Variants in TEPSIN observed in about 807,000 individuals in gnomAD.
The protein encoded by TEPSIN is TEPSIN adaptor related protein complex 4 accessory protein.
A neutral mutation model predicts 48.5 loss-of-function variants in TEPSIN; 50 were observed. The ratio of observed to expected loss-of-function variants is 1.03; its 90% CI spans 0.82 to 1.31. The LOEUF (loss-of-function observed/expected upper bound fraction) is 1.31, where lower values mean the gene tolerates loss of function less well. TEPSIN is among the 50% of genes most tolerant of loss of function. The pLI, the probability that TEPSIN is intolerant of heterozygous loss-of-function variation, is 0.00. For synonymous variants in TEPSIN, 392 were observed against 358.8 expected, an observed-to-expected ratio of 1.09 and a Z score of -1.05; for missense variants, 838 against 815.9, an observed-to-expected ratio of 1.03 and a Z score of -0.33.
rs1302163497 is a variant in TEPSIN, at chr17:81,229,345, G to A, written c.1365C>T (p.Ser455=). 5 of 1,564,352 alleles carry A rather than the reference G, an allele frequency of 3.2e-6. No homozygotes were observed. In the East Asian group the frequency reaches 1.2e-4, roughly 37 times the overall value. ...AACTCAGAGGCTGCAGGAAGACCTGGCTCCCAGGGAGAGGCACAGCGTCGG... is the reference window on the plus strand; with the variant it reads ...AACTCAGAGGCTGCAGGAAGACCTGACTCCCAGGGAGAGGCACAGCGTCGG... ...LLTDAVPLPG[S]QVFLQPLSST... is the part of the protein sequence containing the mutation. Residue 455 remains serine (S), a synonymous_variant, in exon 13 of 13, where the codon AGC becomes AGT. Transcript: ENST00000637944.
intron 11 of TEPSIN, 120 bp downstream of exon 11, chr17:81,231,278 C>T: frequency 9.2e-7 from 1 of 1,089,368 alleles, no homozygotes; most frequent in Non-Finnish European, 1.3e-6. Context: ...CACAGCCACA[C>T]AGAGGAATGT....
In TEPSIN at chr17:81,239,041, G is replaced by C. The variant is rs1453569396; in HGVS notation, c.-8C>G. ...CGGCGGCGCGGCAGCCATGATCCAG[G>C]TCCCCTCCCGGTCTGCCCCGCTTCC... On this transcript the variant is annotated 5_prime_UTR_variant, in exon 1 of 13. Coordinates refer to ENST00000637944, the MANE Select transcript of TEPSIN (RefSeq NM_001363764.2). The C allele has an allele frequency of 6.7e-7, 1 of 1,491,360 alleles. No individual in the cohort carries two copies. The highest frequency in any genetic ancestry group is 1.5e-5 in the African/African-American group (1 of 68,624). 92.4% of individuals were successfully genotyped at this position (1,491,360 alleles called of 1,614,324 possible).
Position 81,234,497 on chromosome 17 carries a change from C to G in TEPSIN, c.308-449G>C, listed in dbSNP as rs1170837801. 1.3e-5 allele frequency among the ~76,000 whole-genome samples: 2 copies of G among 152,102 alleles called. No homozygotes were observed. Among genetic ancestry groups the G allele is most frequent in the Non-Finnish European group, 2.9e-5 (2 of 68,008 alleles). On this transcript the variant is annotated intron_variant, in intron 4 of 12. Coordinates refer to ENST00000637944, the MANE Select transcript of TEPSIN (RefSeq NM_001363764.2). The surrounding 1 kb of genome is among the most constrained non-coding windows in gnomAD (Gnocchi z 5.4). Reference sequence around the variant, plus strand: ...GCTCCCCTGCTCTGAGAGTTCCTGTCATGATGAACTGGGGCTTCTTTCCTT... The same window carrying G: ...GCTCCCCTGCTCTGAGAGTTCCTGTGATGATGAACTGGGGCTTCTTTCCTT...
At position 81,234,077 on chromosome 17, in the gene TEPSIN, C is replaced by T. The variant is rs772513515; in HGVS notation, c.308-29G>A. 2 of 1,557,546 alleles carry T rather than the reference C, an allele frequency of 1.3e-6. No homozygotes were observed. The highest frequency in any genetic ancestry group is 2.3e-5 in the East Asian group (1 of 43,334). On this transcript the variant is annotated intron_variant, in intron 4 of 12. Coordinates refer to ENST00000637944, the MANE Select transcript of TEPSIN (RefSeq NM_001363764.2). This position sits in a 1 kb window ranked among gnomAD's most constrained non-coding sequence, Gnocchi z 5.4. The stretch of plus-strand genomic sequence containing the variant: ...CAGAACAGAAAAGGCAAGTCGGGGG[C>T]AGGGCTGAGCCTGGCACCGCTGCTC...
In TEPSIN at chr17:81,232,356, G is replaced by A. The variant is rs894717883; in HGVS notation, c.689C>T (p.Thr230Ile). 3.3e-6 allele frequency: 5 copies of A among 1,535,222 alleles called. No homozygotes were observed. Among genetic ancestry groups the A allele is most frequent in the Non-Finnish European group, 3.5e-6 (4 of 1,146,340 alleles). ...GGCCCCGGGGAGTAGGTTCCCCAGG[G>A]TTGGGGGACCGTGGCTGGCTGAAGG... ...MMPSASHGPP[T>I]LGNLLPGAIP... Residue 230 changes from threonine to isoleucine, a missense_variant, in exon 8 of 13, where the codon ACC becomes ATC. Physicochemically the swap from Thr to Ile is moderately conservative, Grantham distance 89. Coordinates refer to ENST00000637944, the MANE Select transcript of TEPSIN (RefSeq NM_001363764.2).
intron 7 of TEPSIN, 149 bp from the exon 8 acceptor site, chr17:81,232,667 A>T: frequency 1.4e-6 from 1 of 696,160 alleles, no homozygotes; most frequent in South Asian, 2.1e-5. Flanking sequence ...GGTGGGCCCC[A>T]GGCCCTCTGG....
At chr17:81,237,589 G>T in intron 1 of TEPSIN, 130 bp from the exon 2 acceptor site, 1 of 968,248 alleles carries the variant, frequency 1.0e-6, no homozygotes, top group African/African-American at 1.6e-5. Flanking sequence ...GACTGGGAAG[G>T]GATGAGAACT....
chr17:81,238,493 G>T, intron 1 of TEPSIN: 3 of 547,674 alleles, frequency 5.5e-6, no homozygotes, highest in Non-Finnish European at 7.0e-6. Context: ...CTTCTCAGAG[G>T]GTTTACTAAG....
chr17:81,236,674 T>A (rs201155060), intron 4 of TEPSIN, 34 bp downstream of exon 4: 1 of 1,544,520 alleles, frequency 6.5e-7, no homozygotes, highest in Non-Finnish European at 8.8e-7. Flanking sequence ...TCCAAAGCCC[T>A]GGCTCTTCCT....
chr17:81,231,482 C>G lies in TEPSIN; in HGVS notation c.1020-6G>C. 6.4e-7 allele frequency: 1 copy of G among 1,568,794 alleles called. No individual in the cohort carries two copies. The highest frequency in any genetic ancestry group is 8.6e-7 in the Non-Finnish European group (1 of 1,156,740). On this transcript the variant is annotated splice_polypyrimidine_tract_variant and splice_region_variant and intron_variant, in intron 10 of 12. Coordinates refer to ENST00000637944, the MANE Select transcript of TEPSIN (RefSeq NM_001363764.2). The stretch of plus-strand genomic sequence containing the variant: ...CACAGTTGAGCAGTCCACACCTGCA[C>G]AGAGGGGACACCTGGGTGGCGGGTG...
rs117101604 is a variant in TEPSIN, at chr17:81,231,319, G to A, written c.1098+79C>T. On this transcript the variant is annotated intron_variant, in intron 11 of 12. Transcript: ENST00000637944. ...CACAGGTGTGCACACAGGCACACGT[G>A]CACACACACGCACACGCACACACAC... 3.9e-3 allele frequency: 5,393 copies of A among 1,375,818 alleles called. 158 individuals carry two copies. In the East Asian group the frequency reaches 0.071, roughly 18 times the overall value. The allele number at this position is 1,375,818 out of a possible 1,614,324, so 85.2% of individuals were successfully genotyped here.
At position 81,228,740 on chromosome 17, in the gene TEPSIN, G is replaced by A. The variant is rs187882027; in HGVS notation, c.*188C>T. On this transcript the variant is annotated 3_prime_UTR_variant, in exon 13 of 13. Transcript: ENST00000637944. The stretch of plus-strand genomic sequence containing the variant: ...GAAGCCCTGCCACCTGCCATCCCTC[G>A]TAGGGATTCAAGTCCAAATAGCCAG... 25 of 704,208 alleles carry A rather than the reference G, an allele frequency of 3.6e-5. No individual in the cohort carries two copies. The East Asian group carries it at 4.3e-4, about 12-fold the overall frequency. 43.6% of individuals were successfully genotyped at this position (704,208 alleles called of 1,614,324 possible).
Position 81,236,790 on chromosome 17 carries a change from G to A in TEPSIN, c.225C>T (p.Ile75=). 1.9e-6 allele frequency: 3 copies of A among 1,566,812 alleles called. No homozygotes were observed. Among genetic ancestry groups the A allele is most frequent in the Non-Finnish European group, 2.6e-6 (3 of 1,156,654 alleles). The change falls in exon 4 of 13, where the codon ATC becomes ATT. Residue 75 remains isoleucine (I), a synonymous_variant. Coordinates refer to ENST00000637944, the MANE Select transcript of TEPSIN (RefSeq NM_001363764.2). ...AGCCGTGGCTGCACAGATAGAGCAG[G>A]ATCTTCAGCACCTGGGGAGTGGGGC... ...SGHGKLKVLK[I]LLYLCSHGSS...
Position 81,233,176 on chromosome 17 carries a change from A to T in TEPSIN, c.526+256T>A. ...TCTCAGAGTGGGACTCACCCCTGCCACGGGGCCCAGCCCTGACTTCTTGCT... is the reference window on the plus strand; with the variant it reads ...TCTCAGAGTGGGACTCACCCCTGCCTCGGGGCCCAGCCCTGACTTCTTGCT... On this transcript the variant is annotated intron_variant, in intron 7 of 12. Transcript: ENST00000637944. The surrounding 1 kb of genome is among the most constrained non-coding windows in gnomAD (Gnocchi z 5.8). 3 of 560,512 alleles carry T rather than the reference A, an allele frequency of 5.4e-6. No homozygotes were observed. In the South Asian group the frequency reaches 6.6e-5, roughly 12 times the overall value. 34.7% of individuals were successfully genotyped at this position (560,512 alleles called of 1,614,324 possible). A position where few individuals can be genotyped will look rare whatever the true frequency, so the allele number is the denominator to read the frequency against.
In TEPSIN at chr17:81,231,977, G is replaced by A. The variant is rs1466755155; in HGVS notation, c.775C>T (p.Leu259=). 1 of 1,612,646 alleles carries A rather than the reference G, an allele frequency of 6.2e-7. No individual in the cohort carries two copies. The highest frequency in any genetic ancestry group is 8.5e-7 in the Non-Finnish European group (1 of 1,179,974). Residue 259 remains leucine, a synonymous_variant, in exon 9 of 13, where the codon CTG becomes TTG. Transcript: ENST00000637944. The stretch of plus-strand genomic sequence containing the variant: ...TTCTGAGAGCTGGGGCCGCTGTCCA[G>A]CTCATCCCAGCCCCCTCCGGCCTGC... ...PGQAGGGWDE[L]DSGPSSQNSS... is the part of the protein sequence containing the mutation.
rs2062777892 is a variant in TEPSIN, at chr17:81,239,002, A to G, written c.32T>C (p.Leu11Pro). MAAAPPLRDR[L>P]SFLHRLPILL... is the part of the protein sequence containing the mutation. ...CTCACTCACCCGGTGTAGAAAGCTC[A>G]GGCGGTCCCGTAGCGGCGGCGCGGC... The change falls in exon 1 of 13, where the codon CTG becomes CCG. Residue 11 changes from leucine (L) to proline (P), a missense_variant. Physicochemically the swap from Leu to Pro is moderately conservative, Grantham distance 98. Transcript: ENST00000637944. 1 of 1,486,038 alleles carries G rather than the reference A, an allele frequency of 6.7e-7. No individual in the cohort carries two copies. The highest frequency in any genetic ancestry group is 8.9e-7 in the Non-Finnish European group (1 of 1,123,224). The allele number at this position is 1,486,038 out of a possible 1,614,324, so 92.1% of individuals were successfully genotyped here.
In TEPSIN at chr17:81,231,318, TGCACACACACGCACAC is replaced by T. The variant is rs1209610976; in HGVS notation, c.1098+64_1098+79del. On this transcript the variant is annotated intron_variant, in intron 11 of 12. Transcript: ENST00000637944. Reference sequence around the variant, plus strand: ...ACACAGGTGTGCACACAGGCACACGTGCACACACACGCACACGCACACACACGCACACAGGCACATG... The same window carrying T: ...ACACAGGTGTGCACACAGGCACACGTGCACACACACGCACACAGGCACATG... The T allele has an allele frequency of 2.8e-5, 39 of 1,380,474 alleles. No homozygotes were observed. The South Asian group carries it at 3.5e-4, about 12-fold the overall frequency. 85.5% of individuals were successfully genotyped at this position (1,380,474 alleles called of 1,614,324 possible).
Position 81,230,750 on chromosome 17 carries a change from T to C in TEPSIN, c.1099-72A>G, listed in dbSNP as rs1468662417. 4.2e-6 allele frequency: 6 copies of C among 1,441,826 alleles called. No homozygotes were observed. The highest frequency in any genetic ancestry group is 5.5e-6 in the Non-Finnish European group (6 of 1,094,756). 89.3% of individuals were successfully genotyped at this position (1,441,826 alleles called of 1,614,324 possible). A position where few individuals can be genotyped will look rare whatever the true frequency, so the allele number is the denominator to read the frequency against. ...CACGCCAGGGAGGCCTATTTGGCCA[T>C]CTCTCTCCCTCTTCTTCCTCCTCAT... On this transcript the variant is annotated intron_variant, in intron 11 of 12. Transcript: ENST00000637944. The surrounding 1 kb of genome is among the most constrained non-coding windows in gnomAD (Gnocchi z 4.2).
rs77330471 is a variant in TEPSIN, at chr17:81,231,024, T to C, written c.1099-346A>G. 344 of 464,552 alleles carry C rather than the reference T, an allele frequency of 7.4e-4. 1 individual carries two copies. The African/African-American group carries it at 7.5e-3, about 10-fold the overall frequency. The allele number at this position is 464,552 out of a possible 1,614,324, so 28.8% of individuals were successfully genotyped here. On this transcript the variant is annotated intron_variant, in intron 11 of 12. Transcript: ENST00000637944. ...TGCTGCCCCGATTGCCTTACCTTCA[T>C]TCCTCCGCACGCCCCCCGACACACG...
Sources: gnomAD v4.1 joint callset for allele counts (sites outside exome capture counted in the v4.1 genomes callset) on GRCh38, gnomAD v4.1.1 for gene constraint, Gnocchi (gnomAD v3.1) non-coding constraint, MANE v1.5 for transcripts, NCBI Gene and HGNC (gene_info 2026-07-23, HGNC 2026-07-21) for gene names.